Variants in SEL1L3 observed in about 807,000 individuals in gnomAD.
SEL1L3 encodes the protein protein sel-1 homolog 3.
In SEL1L3, 76 loss-of-function variants were observed where a neutral mutation model predicts 142.8. The observed-to-expected ratio is 0.53, with a 90% CI of 0.44 to 0.64. The LOEUF (loss-of-function observed/expected upper bound fraction) is 0.64. SEL1L3 is among the 30% of genes least tolerant of loss of function. The probability of loss-of-function intolerance (pLI) is 0.00; values close to 1 mark genes in which losing one functional copy is unlikely to be tolerated. For missense variants in SEL1L3, 1,262 were observed against 1,381.7 expected (o/e 0.91, Z 1.37); for synonymous variants, 504 against 519.6 (o/e 0.97, Z 0.41).
chr4:25,747,376 G>A (rs1012819741), downstream of SEL1L3: 5 of 151,870 alleles, frequency 3.3e-5, no homozygotes, highest in African/African-American at 1.2e-4. Flanking sequence ...TGGACCTTTA[G>A]ACTTTATATG....
Position 25,800,776 on chromosome 4 carries a change from G to C in SEL1L3, c.1956+1507C>G, listed in dbSNP as rs16877563. Among the ~76,000 whole-genome samples the C allele has an allele frequency of 6.4e-3, 975 of 152,214 alleles. 11 individuals are homozygous for C. Among genetic ancestry groups the C allele is most frequent in the African/African-American group, 0.022 (917 of 41,526 alleles). On this transcript the variant is annotated intron_variant, in intron 11 of 23. Coordinates refer to ENST00000399878, the MANE Select transcript of SEL1L3 (RefSeq NM_015187.5). ...AAGGGTGTGTAAGTTTGTTCAGAAG[G>C]AATCATTATTTTCAAAAGGAATTAG... is the stretch of plus-strand genomic sequence containing the variant.
chr4:25,726,688 C>A, the SEL1L3 span, among the ~76,000 whole-genome samples: 1 of 152,138 alleles, frequency 6.6e-6, no homozygotes, highest in Admixed American at 6.5e-5. Context: ...TTTCAGACTT[C>A]GAAGTCCCAG....
At chr4:25,739,187 C>T in the SEL1L3 span, among the ~76,000 whole-genome samples, 38 of 150,918 alleles carry the variant, frequency 2.5e-4, no homozygotes, top group Non-Finnish European at 4.0e-4. Context: ...CCAGCCTGGG[C>T]GACAGAGCGA....
At chr4:25,739,432 A>G in the SEL1L3 span, among the ~76,000 whole-genome samples, 1 of 151,124 alleles carries the variant, frequency 6.6e-6, no homozygotes, top group South Asian at 2.1e-4. Context: ...TCTGGCCAGG[A>G]GTGGTGGCTC....
intron 20 of SEL1L3, among the ~76,000 whole-genome samples, chr4:25,762,856 G>A (rs1322442108): frequency 6.6e-6 from 1 of 151,922 alleles, no homozygotes; most frequent in African/African-American, 2.4e-5. Flanking sequence ...CGCGCCTGTA[G>A]TCCTAGCTAC....
At chr4:25,844,911 T>C (rs1352771011) in intron 2 of SEL1L3, among the ~76,000 whole-genome samples, 3 of 152,098 alleles carry the variant, frequency 2.0e-5, no homozygotes, top group African/African-American at 7.2e-5. Context: ...CCCCACTATG[T>C]GCACACACAC....
the SEL1L3 span, among the ~76,000 whole-genome samples, chr4:25,729,720 A>AAAAAC: frequency 7.3e-5 from 11 of 149,702 alleles, no homozygotes; most frequent in African/African-American, 7.5e-5. Flanking sequence ...TCTCAAAAAC[A>AAAAAC]AAAACAAAAC....
chr4:25,806,037 G>GTT (rs1237360750), intron 9 of SEL1L3, among the ~76,000 whole-genome samples: 1 of 131,480 alleles, frequency 7.6e-6, no homozygotes, highest in Admixed American at 8.5e-5. Flanking sequence ...GTTTTGTTTT[G>GTT]TTTGTTTTTT....
chr4:25,771,455 G>A (rs973516019), intron 17 of SEL1L3, among the ~76,000 whole-genome samples: 1 of 152,094 alleles, frequency 6.6e-6, no homozygotes, highest in Admixed American at 6.5e-5. Flanking sequence ...CAATCCTTTG[G>A]CTGCTTGCTG....
intron 17 of SEL1L3, among the ~76,000 whole-genome samples, chr4:25,774,349 C>T (rs964635837): frequency 1.3e-5 from 2 of 152,152 alleles, no homozygotes; most frequent in African/African-American, 4.8e-5. Flanking sequence ...GTAAAATCTG[C>T]GGAACTGAAT....
intron 6 of SEL1L3, among the ~76,000 whole-genome samples, chr4:25,828,496 C>T (rs1177011076): frequency 1.3e-5 from 2 of 150,610 alleles, no homozygotes; most frequent in African/African-American, 2.4e-5. Context: ...AAGCAATTCT[C>T]GTGCCTCAGC....
At chr4:25,828,665 G>A (rs1715246856) in intron 6 of SEL1L3, among the ~76,000 whole-genome samples, 1 of 152,092 alleles carries the variant, frequency 6.6e-6, no homozygotes, top group African/African-American at 2.4e-5. Context: ...GATTACAGGT[G>A]TGAACCACCT....
chr4:25,760,486 T>C (rs2109126214), intron 20 of SEL1L3, among the ~76,000 whole-genome samples: 1 of 152,310 alleles, frequency 6.6e-6, no homozygotes, highest in South Asian at 2.1e-4. Flanking sequence ...CTTTCCACAA[T>C]GGTTGAACTA....
rs1376858317 is a variant in SEL1L3 at position 25,788,622 on chromosome 4, A to C, written c.2077-258T>G. 7.7e-6 allele frequency among the ~76,000 whole-genome samples: 1 copy of C among 130,654 alleles called. No homozygotes were observed. Among genetic ancestry groups the C allele is most frequent in the Admixed American group, 7.9e-5 (1 of 12,678 alleles). The allele number at this position is 130,654 out of a possible 152,430, so 85.7% of individuals were successfully genotyped here. ...TGTGTGTGTGTGTGTGTGTGTGTGT[A>C]TCTACTGTACCCAGGACCAGGGCTA... On this transcript the variant is annotated intron_variant, in intron 12 of 23. Coordinates refer to ENST00000399878, the MANE Select transcript of SEL1L3 (RefSeq NM_015187.5). The surrounding 1 kb of genome is among the most constrained non-coding windows in gnomAD (Gnocchi z 5.3).
At chr4:25,768,770 C>A (rs1369643477) in intron 17 of SEL1L3, among the ~76,000 whole-genome samples, 1 of 151,448 alleles carries the variant, frequency 6.6e-6, no homozygotes, top group Non-Finnish European at 1.5e-5. Flanking sequence ...GCAGGGTATT[C>A]AAAAACATAG....
the SEL1L3 span, among the ~76,000 whole-genome samples, chr4:25,739,520 C>T: frequency 8.5e-5 from 13 of 152,182 alleles, no homozygotes; most frequent in African/African-American, 2.4e-4. Context: ...TCCTGGCCAA[C>T]ATGGTGAAAT....
intron 13 of SEL1L3, 119 bp from the exon 14 acceptor site, chr4:25,784,409 A>T: frequency 2.5e-6 from 2 of 789,406 alleles, no homozygotes; most frequent in South Asian, 1.6e-5. Context: ...CTTCATTTAA[A>T]CCCAAGCTTA....
At chr4:25,752,674 G>A (rs577261766) in intron 23 of SEL1L3, among the ~76,000 whole-genome samples, 2 of 152,314 alleles carry the variant, frequency 1.3e-5, no homozygotes, top group East Asian at 3.9e-4. Context: ...AGGCAGGAGT[G>A]CAATGGAGCA....
intron 9 of SEL1L3, among the ~76,000 whole-genome samples, chr4:25,814,116 C>T (rs1714212741): frequency 6.6e-6 from 1 of 152,172 alleles, no homozygotes; most frequent in East Asian, 1.9e-4. Context: ...GACTCTCAGA[C>T]AGAACCAGAA....
Sources: gnomAD v4.1 joint callset for allele counts (sites outside exome capture counted in the v4.1 genomes callset) on GRCh38, gnomAD v4.1.1 for gene constraint, Gnocchi (gnomAD v3.1) non-coding constraint, MANE v1.5 for transcripts, NCBI Gene and HGNC (gene_info 2026-07-23, HGNC 2026-07-21) for gene names.